Variants in HK1 observed in about 807,000 individuals in gnomAD.
The protein encoded by HK1 is hexokinase-1.
HK1 carries 28 observed loss-of-function variants against 91.6 expected under a neutral mutation model. The ratio of observed to expected loss-of-function variants is 0.31; its 90% CI spans 0.23 to 0.42. The LOEUF is 0.42. Ranked by LOEUF, HK1 falls within the 10% of genes least tolerant of loss-of-function variation. HK1 has a pLI of 1.00. For missense variants in HK1, 770 were observed against 1,219.8 expected, an observed-to-expected ratio of 0.63 and a Z score of 5.49; for synonymous variants, 430 against 468.1, an observed-to-expected ratio of 0.92 and a Z score of 1.05.
At chr10:69,351,613 G>A (rs1449408191) in intron 2 of HK1, among the ~76,000 whole-genome samples, 3 of 152,194 alleles carry the variant, frequency 2.0e-5, no homozygotes, top group African/African-American at 7.2e-5. Context: ...CATTCCTGAT[G>A]TGCTGAAGTC....
In HK1 at chr10:69,401,105, C is replaced by A. The variant is rs375284444; in HGVS notation, c.2724C>A (p.Gly908=). ...GKGAALITAV[G]VRLRTEASS Reference sequence around the variant, plus strand: ...GGGCCGCCCTCATCACGGCCGTGGGCGTGCGGTTACGCACAGAGGCAAGCA... The same window carrying A: ...GGGCCGCCCTCATCACGGCCGTGGGAGTGCGGTTACGCACAGAGGCAAGCA... The change falls in exon 18 of 18, where the codon GGC becomes GGA. Residue 908 remains glycine (G), a synonymous_variant. Transcript: ENST00000359426. The A allele has an allele frequency of 6.2e-7, 1 of 1,614,044 alleles. No individual in the cohort carries two copies. The highest frequency in any genetic ancestry group is 8.5e-7 in the Non-Finnish European group (1 of 1,180,008).
intron 3 of HK1, among the ~76,000 whole-genome samples, chr10:69,294,342 T>C (rs1396592894): frequency 6.6e-6 from 1 of 152,186 alleles, no homozygotes; most frequent in East Asian, 1.9e-4. Context: ...CCCTATCCAT[T>C]CAGCTATCAT....
intron 1 of HK1, chr10:69,338,213 C>T (rs1051441979): frequency 1.1e-5 from 12 of 1,096,750 alleles, no homozygotes; most frequent in East Asian, 6.4e-5. Context: ...CAAGAGCGCC[C>T]GCCCTGTGCA....
At chr10:69,338,746 T>G (rs555234449) in intron 1 of HK1, 16 of 1,149,124 alleles carry the variant, frequency 1.4e-5, no homozygotes, top group Non-Finnish European at 1.7e-5. Context: ...TGTGTGAGAG[T>G]GTGTGTGTGT....
intron 3 of HK1, among the ~76,000 whole-genome samples, chr10:69,294,516 G>A (rs2132475130): frequency 6.6e-6 from 1 of 152,220 alleles, no homozygotes; most frequent in East Asian, 1.9e-4. Flanking sequence ...GAGCCCAGGA[G>A]TTTGAGACCA....
Position 69,369,255 on chromosome 10 carries a change from G to A in HK1, c.610G>A (p.Val204Ile), listed in dbSNP as rs747711080. The A allele has an allele frequency of 2.5e-6, 4 of 1,613,804 alleles. No individual in the cohort carries two copies. Among genetic ancestry groups the A allele is most frequent in the South Asian group, 2.2e-5 (2 of 91,074 alleles). Residue 204 changes from valine (V) to isoleucine (I), a missense_variant, in exon 6 of 18, where the codon GTA becomes ATA. This residue lies in a region of HK1 where 449 missense variants were observed against 665.1 expected (regional missense o/e 0.68). Coordinates refer to ENST00000359426, the MANE Select transcript of HK1 (RefSeq NM_000188.3). This position sits in a 1 kb window ranked among gnomAD's most constrained non-coding sequence, Gnocchi z 4.4. The stretch of plus-strand genomic sequence containing the variant: ...TCCCCAGGACTATGATGCCAACATC[G>A]TAGCTGTGGTGAATGACACAGTGGG... ...KKRGDYDANI[V>I]AVVNDTVGTM...
At chr10:69,365,506 C>CTTGTTCT (rs1318158151) in intron 4 of HK1, among the ~76,000 whole-genome samples, 2 of 152,166 alleles carry the variant, frequency 1.3e-5, no homozygotes, top group African/African-American at 4.8e-5. Flanking sequence ...TACATACAGC[C>CTTGTTCT]TTGTTCTTTT....
rs536524475 is a variant in HK1, at chr10:69,342,020, C to T, written c.64-1807C>T. Among the ~76,000 whole-genome samples the T allele has an allele frequency of 7.9e-5, 12 of 152,090 alleles. No individual in the cohort carries two copies. In the South Asian group the frequency reaches 1.7e-3, roughly 21 times the overall value. On this transcript the variant is annotated intron_variant, in intron 1 of 17. Transcript: ENST00000359426. Reference sequence around the variant, plus strand: ...AAAATTAGCAGGGCGTGGTGGCGCACGCCTGTAATCCCAGCCACTCAGGAG... The same window carrying T: ...AAAATTAGCAGGGCGTGGTGGCGCATGCCTGTAATCCCAGCCACTCAGGAG...
chr10:69,303,871 T>C (rs1398525833), intron 5 of HK1, among the ~76,000 whole-genome samples: 3 of 152,174 alleles, frequency 2.0e-5, no homozygotes, highest in African/African-American at 4.8e-5. Context: ...GTTTTAAGGA[T>C]AATTTGGTGG....
chr10:69,380,017 G>A lies in HK1; in HGVS notation c.1187G>A (p.Arg396His), dbSNP rs771730411. Residue 396 changes from arginine (R) to histidine (H), a missense_variant, in exon 9 of 18, where the codon CGC (arginine) becomes CAC (histidine). Physicochemically the swap from Arg to His is conservative, Grantham distance 29. This residue lies in a region of HK1 where 449 missense variants were observed against 665.1 expected (regional missense o/e 0.68). Coordinates refer to ENST00000359426, the MANE Select transcript of HK1 (RefSeq NM_000188.3). The surrounding 1 kb of genome is among the most constrained non-coding windows in gnomAD (Gnocchi z 4.0). ...GCCACACTGGGCGCCATCTTGAACC[G>A]CCTGCGTGATAACAAGGGCACACCC... ...VAATLGAILNRLRDNKGTPRL... is the reference protein window; with the variant it reads ...VAATLGAILNHLRDNKGTPRL... 27 of 1,614,128 alleles carry A rather than the reference G, an allele frequency of 1.7e-5. No homozygotes were observed. The highest frequency in any genetic ancestry group is 6.6e-5 in the South Asian group (6 of 91,084).
At position 69,401,246 on chromosome 10, in the gene HK1, C is replaced by T. The variant is rs537574048; in HGVS notation, c.*111C>T. 9.0e-6 allele frequency: 12 copies of T among 1,329,814 alleles called. No individual in the cohort carries two copies. Among genetic ancestry groups the T allele is most frequent in the East Asian group, 5.0e-5 (2 of 40,106 alleles). 82.4% of individuals were successfully genotyped at this position (1,329,814 alleles called of 1,614,324 possible). ...AGACGCTGGCGCCAGGGCCTGCCGG[C>T]GCGGGGAGGAAAGCAAAATCCAACT... is the stretch of plus-strand genomic sequence containing the variant. On this transcript the variant is annotated 3_prime_UTR_variant, in exon 18 of 18. Coordinates refer to ENST00000359426, the MANE Select transcript of HK1 (RefSeq NM_000188.3).
Position 69,382,476 on chromosome 10 carries a change from G to A in HK1, c.1266-11G>A, listed in dbSNP as rs778575690. The A allele has an allele frequency of 1.2e-6, 2 of 1,613,964 alleles. No individual in the cohort carries two copies. Among genetic ancestry groups the A allele is most frequent in the African/African-American group, 1.3e-5 (1 of 74,912 alleles). On this transcript the variant is annotated splice_polypyrimidine_tract_variant and intron_variant, in intron 9 of 17. Transcript: ENST00000359426. ...CCAGCTGTTGTGGAATGTCCCCCCT[G>A]CCCCCATAAGGTATTCCCGGCGTTT...
At chr10:69,300,180 A>G (rs912432952) in intron 4 of HK1, among the ~76,000 whole-genome samples, 1 of 151,460 alleles carries the variant, frequency 6.6e-6, no homozygotes, top group Non-Finnish European at 1.5e-5. Context: ...TCACCCCCCA[A>G]AATCCCTTCA....
intron 1 of HK1, among the ~76,000 whole-genome samples, chr10:69,276,405 TC>T (rs1844476513): frequency 6.6e-6 from 1 of 151,976 alleles, no homozygotes; most frequent in Non-Finnish European, 1.5e-5. Context: ...ATGCCTGTAA[TC>T]CCAGCACTTT....
chr10:69,273,154 C>CAGGAGG (rs1398134309), intron 1 of HK1, among the ~76,000 whole-genome samples: 1 of 151,658 alleles, frequency 6.6e-6, no homozygotes, highest in African/African-American at 2.4e-5. Flanking sequence ...CCTCAGCCTC[C>CAGGAGG]CAAGCACCTG....
In HK1 at chr10:69,304,851, G is replaced by A. The variant is rs563195586; in HGVS notation, c.27+3990G>A. ...GCTCATGTGGTTGTTTGCAGCGTTC[G>A]GTTCCTTGTAGCTGTAGGATTCACA... On this transcript the variant is annotated intron_variant, in intron 5 of 21. Transcript: ENST00000360289. 4.6e-5 allele frequency among the ~76,000 whole-genome samples: 7 copies of A among 152,200 alleles called. No homozygotes were observed. In the South Asian group the frequency reaches 1.0e-3, roughly 23 times the overall value.
chr10:69,342,229 C>T (rs1187610428), intron 1 of HK1, among the ~76,000 whole-genome samples: 1 of 152,008 alleles, frequency 6.6e-6, no homozygotes, highest in Non-Finnish European at 1.5e-5. Context: ...GTCTTTTCAG[C>T]CTTGTGGGGC....
At chr10:69,300,969 GCACGGTGGCT>G in intron 5 of HK1, 1 of 665,526 alleles carries the variant, frequency 1.5e-6, no homozygotes, top group Non-Finnish European at 2.7e-6. Context: ...TTGTAGCCAG[GCACGGTGGCT>G]CACGCCTGTA....
At chr10:69,298,646 A>G (rs1461666279) in intron 4 of HK1, among the ~76,000 whole-genome samples, 6 of 151,668 alleles carry the variant, frequency 4.0e-5, no homozygotes, top group African/African-American at 1.2e-4. Flanking sequence ...AAAAAAAAGT[A>G]GAAGCTTTTG....
Sources: allele counts gnomAD v4.1 joint callset (sites outside exome capture counted in the v4.1 genomes callset), GRCh38; gene constraint gnomAD v4.1.1; regional missense constraint gnomAD v4.1.1; non-coding constraint Gnocchi (gnomAD v3.1); transcripts MANE v1.5; gene names NCBI Gene and HGNC (gene_info 2026-07-23, HGNC 2026-07-21).